DNHD1: variants seen among roughly 807,000 people sequenced by gnomAD.
DNHD1 encodes dynein heavy chain domain-containing protein 1.
DNHD1 carries 383 observed loss-of-function variants against 458.1 expected under a neutral mutation model. That is an observed-to-expected ratio of 0.84 (90% CI 0.77 to 0.91). DNHD1 has a LOEUF of 0.91. Among genes scored for constraint, DNHD1 ranks in the 40% least tolerant of loss-of-function variants. DNHD1 has a pLI of 0.00. For synonymous variants in DNHD1, 2,203 were observed against 2,376.9 expected (o/e 0.93, Z 2.13); for missense variants, 5,336 against 5,866.1 (o/e 0.91, Z 2.95).
Position 6,519,724 on chromosome 11 carries a change from A to G in DNHD1, c.1517A>G (p.Lys506Arg). The G allele has an allele frequency of 6.2e-7, 1 of 1,614,210 alleles. No homozygotes were observed. Among genetic ancestry groups the G allele is most frequent in the Non-Finnish European group, 8.5e-7 (1 of 1,180,034 alleles). Reference protein sequence around the residue: ...QRVQHKQLEQKLKQAEAWWLQ... With the variant: ...QRVQHKQLEQRLKQAEAWWLQ... ...GTACAGCACAAGCAACTGGAGCAGA[A>G]GCTGAAGCAAGCAGAGGCCTGGTGG... Residue 506 changes from lysine to arginine, a missense_variant, in exon 8 of 43, where the codon AAG (lysine) becomes AGG (arginine). Coordinates refer to ENST00000254579, the MANE Select transcript of DNHD1 (RefSeq NM_144666.3).
chr11:6,555,238 G>GTCTC (rs57151381), intron 24 of DNHD1, among the ~76,000 whole-genome samples: 147,569 of 151,760 alleles, frequency 0.97, 71,735 homozygotes, highest in East Asian at 1. Context: ...TTCTCTCTCT[G>GTCTC]TCTCTCTCAA....
At chr11:6,517,436 A>G (rs895153933) in intron 7 of DNHD1, among the ~76,000 whole-genome samples, 1 of 152,234 alleles carries the variant, frequency 6.6e-6, no homozygotes, top group Middle Eastern at 3.2e-3. Flanking sequence ...TTGCAGGATT[A>G]TTCACAATAG....
Position 6,570,303 on chromosome 11 carries a change from A to G in DNHD1, c.13012A>G (p.Ser4338Gly). 1 of 1,613,620 alleles carries G rather than the reference A, an allele frequency of 6.2e-7. No homozygotes were observed. Among genetic ancestry groups the G allele is most frequent in the Non-Finnish European group, 8.5e-7 (1 of 1,179,754 alleles). The change falls in exon 41 of 43, where the codon AGC (serine) becomes GGC (glycine). Residue 4338 changes from serine (S) to glycine (G), a missense_variant. Around this residue, in one of 4 missense-constraint regions of DNHD1, gnomAD observed 698 missense variants for 664.9 expected, o/e 1.05. Transcript: ENST00000254579. ...GDTEDREALI[S>G]LTQACLSPSS... The stretch of plus-strand genomic sequence containing the variant: ...CACTGAGGACAGGGAGGCCCTGATT[A>G]GCCTCACACAAGCCTGCCTGAGCCC...
intron 10 of DNHD1, among the ~76,000 whole-genome samples, chr11:6,525,846 G>A (rs1010373455): frequency 6.6e-6 from 1 of 151,934 alleles, no homozygotes; most frequent in Admixed American, 6.6e-5. Context: ...AAAATCACTT[G>A]TTCTTTTTGC....
At chr11:6,522,589 C>T (rs974387300) in intron 10 of DNHD1, among the ~76,000 whole-genome samples, 7 of 152,052 alleles carry the variant, frequency 4.6e-5, no homozygotes, top group African/African-American at 1.7e-4. Context: ...ATATAACAAA[C>T]CTGCACATGT....
rs754325927 is a variant in DNHD1 at position 6,519,575 on chromosome 11, G to C, written c.1393-25G>C. ...GGTTTGCTCTCCATCCCCCTATCTG[G>C]TGAGTTTCCACTCTATGCTCACAGG... is the stretch of plus-strand genomic sequence containing the variant. On this transcript the variant is annotated intron_variant, in intron 7 of 42. Coordinates refer to ENST00000254579, the MANE Select transcript of DNHD1 (RefSeq NM_144666.3). 4 of 1,612,576 alleles carry C rather than the reference G, an allele frequency of 2.5e-6. No homozygotes were observed. The Admixed American group carries it at 5.0e-5, about 20-fold the overall frequency.
intron 15 of DNHD1, 47 bp from the exon 16 acceptor site, chr11:6,538,565 G>A (rs1318949485): frequency 7.7e-6 from 12 of 1,551,024 alleles, no homozygotes; most frequent in Non-Finnish European, 9.6e-6. Context: ...TACAGTGGTG[G>A]GGGAGGGGAA....
intron 17 of DNHD1, 74 bp from the exon 18 acceptor site, chr11:6,539,802 T>A: frequency 7.2e-7 from 1 of 1,398,388 alleles, no homozygotes; most frequent in Non-Finnish European, 9.9e-7. Context: ...TCAGATCCAA[T>A]CCCCAAGTCT....
At chr11:6,544,711 C>A (rs1205220614) in intron 20 of DNHD1, 40 bp downstream of exon 20, 4 of 1,544,904 alleles carry the variant, frequency 2.6e-6, no homozygotes, top group Non-Finnish European at 3.5e-6. Context: ...AAGAAGGGTT[C>A]CTGAATAGCA....
chr11:6,556,044 G>C (rs1016196177), intron 24 of DNHD1, among the ~76,000 whole-genome samples: 1 of 152,100 alleles, frequency 6.6e-6, no homozygotes, highest in East Asian at 1.9e-4. Context: ...TGGATGGTGC[G>C]ATCAGGGCTC....
At position 6,564,707 on chromosome 11, in the gene DNHD1, T is replaced by C; in HGVS notation, c.10659T>C (p.Pro3553=). The part of the protein sequence containing the change: ...SPTHYSSCRW[P]LLLDPSNEAL... ...CACACTACAGTAGTTGCCGTTGGCC[T>C]CTGCTGCTTGACCCCAGCAACGAGG... Residue 3553 remains proline (P), a synonymous_variant, in exon 32 of 43, where the codon CCT becomes CCC. Transcript: ENST00000254579. 1.3e-6 allele frequency: 2 copies of C among 1,551,020 alleles called. No homozygotes were observed. The highest frequency in any genetic ancestry group is 1.7e-6 in the Non-Finnish European group (2 of 1,146,498).
Position 6,548,304 on chromosome 11 carries a change from C to T in DNHD1, c.7000C>T (p.His2334Tyr), listed in dbSNP as rs1429589600. The T allele has an allele frequency of 1.9e-6, 3 of 1,551,710 alleles. No homozygotes were observed. The highest frequency in any genetic ancestry group is 1.4e-5 in the African/African-American group (1 of 73,166). ...ACCCTCAGCCTTGGTGTTTGATCTA[C>T]ATGTAAGCCCTGAAGATGGAACACT... ...PPPSALVFDL[H>Y]VSPEDGTLVP... Residue 2334 changes from histidine to tyrosine, a missense_variant, in exon 23 of 43, where the codon CAT (histidine) becomes TAT (tyrosine). Physicochemically the swap from His to Tyr is moderately conservative, Grantham distance 83. Coordinates refer to ENST00000254579, the MANE Select transcript of DNHD1 (RefSeq NM_144666.3). The surrounding 1 kb of genome is among the most constrained non-coding windows in gnomAD (Gnocchi z 4.4).
intron 28 of DNHD1, among the ~76,000 whole-genome samples, chr11:6,561,125 A>G (rs1173269398): frequency 1.3e-5 from 2 of 152,218 alleles, no homozygotes; most frequent in Non-Finnish European, 2.9e-5. Context: ...AGAGCTCAAT[A>G]AATGTTAGTT....
chr11:6,569,580 G>C (rs892505263), intron 39 of DNHD1, among the ~76,000 whole-genome samples: 2 of 151,400 alleles, frequency 1.3e-5, no homozygotes, highest in African/African-American at 4.9e-5. Flanking sequence ...TATCCTTTTT[G>C]TGTGTTGGAA....
intron 24 of DNHD1, 133 bp downstream of exon 24, chr11:6,549,066 C>T (rs1853281538): frequency 4.0e-6 from 4 of 990,378 alleles, no homozygotes; most frequent in African/African-American, 3.3e-5. Context: ...AATATCTTCT[C>T]ATTCTACATA....
Position 6,538,777 on chromosome 11 carries a change from C to G in DNHD1, c.3292C>G (p.Pro1098Ala). 6.5e-7 allele frequency: 1 copy of G among 1,532,036 alleles called. No homozygotes were observed. Among genetic ancestry groups the G allele is most frequent in the South Asian group, 1.2e-5 (1 of 81,262 alleles). 94.9% of individuals were successfully genotyped at this position (1,532,036 alleles called of 1,614,324 possible). Residue 1098 changes from proline (P) to alanine (A), a missense_variant, in exon 16 of 43, where the codon CCA (proline) becomes GCA (alanine). This residue lies in a region of DNHD1 where 3,932 missense variants were observed against 4,365.6 expected (regional missense o/e 0.90). Transcript: ENST00000254579. The part of the protein sequence containing the change: ...PLLTKLGSLH[P>A]QSLNCQCLLR... The stretch of plus-strand genomic sequence containing the variant: ...GCTCACTAAGCTGGGCAGCCTCCAC[C>G]CACAGAGCCTCAACTGCCAGTGTCT...
chr11:6,516,126 T>C lies in DNHD1; in HGVS notation c.1393-3474T>C, dbSNP rs185737877. ...TTTTAACCTCCATTGTCTTTCAGTT[T>C]CTGAGAGGTATATGTTAAATATCCC... is the stretch of plus-strand genomic sequence containing the variant. On this transcript the variant is annotated intron_variant, in intron 7 of 42. Coordinates refer to ENST00000254579, the MANE Select transcript of DNHD1 (RefSeq NM_144666.3). Among the ~76,000 whole-genome samples the C allele has an allele frequency of 7.2e-5, 11 of 152,174 alleles. No individual in the cohort carries two copies. In the East Asian group the frequency reaches 2.1e-3, roughly 29 times the overall value.
Position 6,514,143 on chromosome 11 carries a change from TCC to T in DNHD1, c.1392+2716_1392+2717del, listed in dbSNP as rs1203091437. Among the ~76,000 whole-genome samples, 7 of 151,510 alleles carry T rather than the reference TCC, an allele frequency of 4.6e-5. No homozygotes were observed. In the East Asian group the frequency reaches 9.7e-4, roughly 21 times the overall value. ...TTACAGGTGTGAGTCTGGCTGTGTC[TCC>T]CAGGCTGGAGTGCAGTGGTGTGATC... On this transcript the variant is annotated intron_variant, in intron 7 of 42. Transcript: ENST00000254579.
At position 6,538,600 on chromosome 11, in the gene DNHD1, T is replaced by G. The variant is rs533574859; in HGVS notation, c.3127-12T>G. 6.0e-5 allele frequency: 93 copies of G among 1,547,764 alleles called. 1 individual carries two copies. The Middle Eastern group carries it at 6.0e-3, about 100-fold the overall frequency. ...AGAGTCTCAAGCTGACAGTGAGCCC[T>G]TCTCCCTGCAGTTCAGCCCAGCTAT... On this transcript the variant is annotated splice_polypyrimidine_tract_variant and intron_variant, in intron 15 of 42. Coordinates refer to ENST00000254579, the MANE Select transcript of DNHD1 (RefSeq NM_144666.3).
Sources: gnomAD v4.1 joint callset for allele counts (sites outside exome capture counted in the v4.1 genomes callset) on GRCh38, gnomAD v4.1.1 for gene constraint, gnomAD v4.1.1 regional missense constraint, Gnocchi (gnomAD v3.1) non-coding constraint, MANE v1.5 for transcripts, NCBI Gene and HGNC (gene_info 2026-07-23, HGNC 2026-07-21) for gene names.